NRCAM: variants seen among roughly 807,000 people sequenced by gnomAD.
NRCAM encodes the protein NgCAM-related cell adhesion molecule.
A neutral mutation model predicts 156.5 loss-of-function variants in NRCAM; 83 were observed. That is an observed-to-expected ratio of 0.53 (90% CI 0.44 to 0.64). The LOEUF (loss-of-function observed/expected upper bound fraction) is 0.64. Among genes scored for constraint, NRCAM ranks in the 30% least tolerant of loss-of-function variants. The pLI, the probability that NRCAM is intolerant of heterozygous loss-of-function variation, is 0.00. For missense variants in NRCAM, 1,417 were observed against 1,597.3 expected (o/e 0.89, Z 1.92); for synonymous variants, 538 against 563.9 (o/e 0.95, Z 0.65).
chr7:108,258,673 A>G (rs2096775719), intron 3 of NRCAM, among the ~76,000 whole-genome samples: 1 of 152,180 alleles, frequency 6.6e-6, no homozygotes, highest in Non-Finnish European at 1.5e-5. Context: ...CACCTGTAAA[A>G]CGGGGCTAAT....
At chr7:108,253,082 G>A (rs933677263) in intron 3 of NRCAM, among the ~76,000 whole-genome samples, 3 of 152,208 alleles carry the variant, frequency 2.0e-5, no homozygotes, top group Non-Finnish European at 4.4e-5. Context: ...TTATCTCAGC[G>A]TCTAAGGCAC....
chr7:108,191,053 C>T (rs980172483), intron 19 of NRCAM, among the ~76,000 whole-genome samples: 1 of 152,144 alleles, frequency 6.6e-6, no homozygotes, highest in Admixed American at 6.5e-5. Flanking sequence ...AAAGAACTGG[C>T]AACGAACTTG....
At chr7:108,289,150 C>T (rs1037535742) in intron 3 of NRCAM, among the ~76,000 whole-genome samples, 14 of 151,938 alleles carry the variant, frequency 9.2e-5, no homozygotes, top group African/African-American at 3.4e-4. Context: ...ATTCGGTATT[C>T]CATTAAAAAT....
Position 108,150,162 on chromosome 7 carries a change from A to C in NRCAM, c.3678-15T>G. ...CTTCTGCATCACTGGAAGAAAGAGA[A>C]AACATTTTTGTCAAGATTGGCATTT... is the stretch of plus-strand genomic sequence containing the variant. On this transcript the variant is annotated splice_polypyrimidine_tract_variant and intron_variant, in intron 32 of 32. Transcript: ENST00000379028. 6.3e-7 allele frequency: 1 copy of C among 1,578,184 alleles called. No individual in the cohort carries two copies. The highest frequency in any genetic ancestry group is 8.6e-7 in the Non-Finnish European group (1 of 1,167,302).
chr7:108,317,411 T>C (rs1327679715), intron 2 of NRCAM, among the ~76,000 whole-genome samples: 5 of 152,194 alleles, frequency 3.3e-5, no homozygotes, highest in African/African-American at 1.2e-4. Flanking sequence ...AACTCCTTAG[T>C]AGAAACAGCT....
chr7:108,384,276 T>TA (rs2099725422), intron 2 of NRCAM, among the ~76,000 whole-genome samples: 1 of 151,190 alleles, frequency 6.6e-6, no homozygotes, highest in Non-Finnish European at 1.5e-5. Context: ...AATAAAAATT[T>TA]AAAAAAGAGG....
intron 3 of NRCAM, among the ~76,000 whole-genome samples, chr7:108,275,893 A>T (rs1007879615): frequency 2.6e-5 from 4 of 151,912 alleles, no homozygotes; most frequent in African/African-American, 9.7e-5. Flanking sequence ...TTCCCTCTAC[A>T]CACTGCTTTA....
intron 2 of NRCAM, among the ~76,000 whole-genome samples, chr7:108,340,388 G>T (rs954054830): frequency 1.3e-5 from 2 of 152,008 alleles, no homozygotes; most frequent in Non-Finnish European, 2.9e-5. Context: ...CTATATTGAT[G>T]TTTACAAGGG....
chr7:108,373,866 C>T (rs943590174), intron 2 of NRCAM, among the ~76,000 whole-genome samples: 10 of 152,098 alleles, frequency 6.6e-5, no homozygotes, highest in African/African-American at 2.2e-4. Flanking sequence ...ATGGCAACCA[C>T]GTTTATTCTA....
chr7:108,342,400 C>T (rs1159684695), intron 2 of NRCAM, among the ~76,000 whole-genome samples: 1 of 152,236 alleles, frequency 6.6e-6, no homozygotes, highest in African/African-American at 2.4e-5. Flanking sequence ...CCTAAAGCAA[C>T]TAAGAGGGTT....
intron 3 of NRCAM, among the ~76,000 whole-genome samples, chr7:108,310,445 A>G (rs1320232716): frequency 1.3e-5 from 2 of 152,160 alleles, no homozygotes; most frequent in South Asian, 2.1e-4. Flanking sequence ...TATGTGTGAC[A>G]CTGGATAAGG....
chr7:108,161,755 T>C (rs1352249434), intron 30 of NRCAM, among the ~76,000 whole-genome samples: 1 of 150,890 alleles, frequency 6.6e-6, no homozygotes, highest in Non-Finnish European at 1.5e-5. Flanking sequence ...AAGGAAATGC[T>C]AAAAATCAAG....
At chr7:108,370,824 C>T (rs16872512) in intron 2 of NRCAM, among the ~76,000 whole-genome samples, 20,581 of 152,036 alleles carry the variant, frequency 0.14, 2,229 homozygotes, top group African/African-American at 0.3. Flanking sequence ...GCTTAAAATA[C>T]AGCATCTTTC....
intron 15 of NRCAM, 31 bp downstream of exon 15, chr7:108,195,730 G>A: frequency 1.7e-6 from 2 of 1,197,952 alleles, no homozygotes; most frequent in Non-Finnish European, 2.5e-6. Flanking sequence ...AACATTTTAA[G>A]TATTGAAAAA....
chr7:108,451,680 A>C (rs1257468816), intron 1 of NRCAM, among the ~76,000 whole-genome samples: 1 of 152,236 alleles, frequency 6.6e-6, no homozygotes, highest in Non-Finnish European at 1.5e-5. Context: ...GGTAAGCAAA[A>C]TAAACCAGTT....
At chr7:108,270,996 A>G (rs1259065917) in intron 3 of NRCAM, among the ~76,000 whole-genome samples, 1 of 152,186 alleles carries the variant, frequency 6.6e-6, no homozygotes, top group Non-Finnish European at 1.5e-5. Flanking sequence ...AGAACTATAC[A>G]CTTAAGTGTT....
chr7:108,446,576 G>A (rs1325087605), intron 1 of NRCAM, among the ~76,000 whole-genome samples: 1 of 152,200 alleles, frequency 6.6e-6, no homozygotes, highest in African/African-American at 2.4e-5. Context: ...AGGAGACATG[G>A]AGAAAGCTGA....
At chr7:108,222,911 T>G (rs2092698730) in intron 11 of NRCAM, among the ~76,000 whole-genome samples, 1 of 152,198 alleles carries the variant, frequency 6.6e-6, no homozygotes, top group South Asian at 2.1e-4. Flanking sequence ...CAGTTGCTTT[T>G]GTATTTGGGC....
At position 108,194,538 on chromosome 7, in the gene NRCAM, A is replaced by G. The variant is rs151319978; in HGVS notation, c.1464-110T>C. 138 of 697,864 alleles carry G rather than the reference A, an allele frequency of 2.0e-4. No individual in the cohort carries two copies. The African/African-American group carries it at 2.2e-3, about 11-fold the overall frequency. 43.2% of individuals were successfully genotyped at this position (697,864 alleles called of 1,614,324 possible). A position where few individuals can be genotyped will look rare whatever the true frequency, so the allele number is the denominator to read the frequency against. On this transcript the variant is annotated intron_variant, in intron 15 of 32. Coordinates refer to ENST00000379028, the MANE Select transcript of NRCAM (RefSeq NM_001037132.4). ...TGACCATGATGAATGTGAAAGTTGC[A>G]AGGCTAGAAGGATTGTACTTTTGAA...
Sources: allele counts gnomAD v4.1 joint callset (sites outside exome capture counted in the v4.1 genomes callset), GRCh38; gene constraint gnomAD v4.1.1; transcripts MANE v1.5; gene names NCBI Gene and HGNC (gene_info 2026-07-23, HGNC 2026-07-21).